Variants in PPM1L observed in about 807,000 individuals in gnomAD.
PPM1L encodes protein phosphatase 1L.
A neutral mutation model predicts 31.4 loss-of-function variants in PPM1L; 13 were observed. That is an observed-to-expected ratio of 0.41 (90% confidence interval 0.27 to 0.66). The LOEUF (loss-of-function observed/expected upper bound fraction) is 0.66. Ranked by LOEUF, PPM1L falls within the 30% of genes least tolerant of loss-of-function variation. The pLI is 0.29. For missense variants in PPM1L, 326 were observed against 453.7 expected (o/e 0.72, Z 2.56); for synonymous variants, 184 against 175.4 (o/e 1.05, Z -0.39).
intron 1 of PPM1L, among the ~76,000 whole-genome samples, chr3:160,805,457 C>T (rs1240371314): frequency 1.3e-5 from 2 of 152,180 alleles, no homozygotes; most frequent in African/African-American, 2.4e-5. Flanking sequence ...TGCAGTGGCT[C>T]ATGCCTGTAA....
chr3:160,963,934 G>C (rs7356039), intron 2 of PPM1L, among the ~76,000 whole-genome samples: 1 of 152,064 alleles, frequency 6.6e-6, no homozygotes, highest in East Asian at 1.9e-4. Context: ...CTAAGGTCTA[G>C]GCCTTCCACC....
intron 2 of PPM1L, among the ~76,000 whole-genome samples, chr3:161,057,743 T>G (rs2108103800): frequency 6.6e-6 from 1 of 152,182 alleles, no homozygotes; most frequent in East Asian, 1.9e-4. Flanking sequence ...TGCTTTCCCC[T>G]GAGCACGTGT....
intron 1 of PPM1L, among the ~76,000 whole-genome samples, chr3:160,941,895 T>C (rs1015935505): frequency 6.6e-6 from 1 of 152,256 alleles, no homozygotes; most frequent in African/African-American, 2.4e-5. Flanking sequence ...TTGATAAATG[T>C]TAAAAGAATG....
intron 1 of PPM1L, among the ~76,000 whole-genome samples, chr3:160,922,329 A>C (rs1414664947): frequency 6.6e-6 from 1 of 152,186 alleles, no homozygotes; most frequent in Non-Finnish European, 1.5e-5. Flanking sequence ...TATTACATAT[A>C]TTCCTGCTGA....
chr3:160,902,436 A>G (rs1576701466), intron 1 of PPM1L, among the ~76,000 whole-genome samples: 1 of 152,100 alleles, frequency 6.6e-6, no homozygotes, highest in African/African-American at 2.4e-5. Context: ...GAAAATTCAG[A>G]GTAAGGAACA....
At chr3:160,787,509 G>A (rs984622919) in intron 1 of PPM1L, among the ~76,000 whole-genome samples, 1 of 152,064 alleles carries the variant, frequency 6.6e-6, no homozygotes, top group African/African-American at 2.4e-5. Context: ...TTTATTGGAT[G>A]TGTAGTTTGC....
At chr3:160,980,121 A>AT (rs1377669928) in intron 2 of PPM1L, among the ~76,000 whole-genome samples, 2 of 152,064 alleles carry the variant, frequency 1.3e-5, no homozygotes, top group Non-Finnish European at 2.9e-5. Flanking sequence ...CATCGGTAGC[A>AT]TGCTGGTGGG....
intron 2 of PPM1L, among the ~76,000 whole-genome samples, chr3:161,017,173 G>A (rs1458258513): frequency 6.6e-6 from 1 of 152,078 alleles, no homozygotes; most frequent in Non-Finnish European, 1.5e-5. Context: ...AGAGTGGGGT[G>A]TGTCTCCAGT....
chr3:160,813,352 T>C (rs1274110450), intron 1 of PPM1L, among the ~76,000 whole-genome samples: 1 of 152,196 alleles, frequency 6.6e-6, no homozygotes, highest in African/African-American at 2.4e-5. Flanking sequence ...TTATTTTATT[T>C]TTTTTGAGAC....
intron 2 of PPM1L, among the ~76,000 whole-genome samples, chr3:161,044,411 G>A (rs192166683): frequency 6.6e-6 from 1 of 151,108 alleles, no homozygotes; most frequent in Admixed American, 6.6e-5. Flanking sequence ...AATGCAAGTT[G>A]AGCATTGAAA....
intron 1 of PPM1L, among the ~76,000 whole-genome samples, chr3:160,838,475 C>T (rs1421226181): frequency 2.6e-5 from 4 of 152,120 alleles, no homozygotes; most frequent in South Asian, 4.1e-4. Context: ...CTGTTATTGC[C>T]AAGTTATGTT....
intron 1 of PPM1L, among the ~76,000 whole-genome samples, chr3:160,944,332 TTAAG>T (rs1220237370): frequency 4.6e-5 from 7 of 152,040 alleles, no homozygotes; most frequent in African/African-American, 1.4e-4. Flanking sequence ...CTAAAGTTGC[TTAAG>T]TTAGTTTTTT....
intron 2 of PPM1L, among the ~76,000 whole-genome samples, chr3:161,049,190 A>C (rs1179225336): frequency 6.6e-6 from 1 of 151,880 alleles, no homozygotes; most frequent in African/African-American, 2.4e-5. Flanking sequence ...GGGTGGGAGG[A>C]TCACTTGAGG....
intron 2 of PPM1L, among the ~76,000 whole-genome samples, chr3:160,994,136 A>G (rs1717227673): frequency 6.6e-6 from 1 of 152,294 alleles, no homozygotes; most frequent in Middle Eastern, 3.4e-3. Context: ...ATGAATTATT[A>G]ATTCATCCAG....
intron 2 of PPM1L, among the ~76,000 whole-genome samples, chr3:160,995,817 G>C (rs112147284): frequency 6.6e-5 from 10 of 152,104 alleles, no homozygotes; most frequent in Non-Finnish European, 8.8e-5. Context: ...TTGATAAATC[G>C]ATCATGGGAA....
chr3:160,812,338 G>A (rs1435164301), intron 1 of PPM1L, among the ~76,000 whole-genome samples: 1 of 152,116 alleles, frequency 6.6e-6, no homozygotes, highest in African/African-American at 2.4e-5. Flanking sequence ...TGATTTCCAA[G>A]TAACTTTAGA....
At chr3:160,843,680 T>C (rs964585371) in intron 1 of PPM1L, among the ~76,000 whole-genome samples, 26 of 151,622 alleles carry the variant, frequency 1.7e-4, no homozygotes, top group Non-Finnish European at 3.2e-4. Flanking sequence ...AGTGTTCTCA[T>C]TGTTCAGTTC....
intron 1 of PPM1L, among the ~76,000 whole-genome samples, chr3:160,862,189 C>A (rs564634396): frequency 6.6e-6 from 1 of 152,108 alleles, no homozygotes; most frequent in African/African-American, 2.4e-5. Flanking sequence ...CACTCACTCC[C>A]AAAATTACTT....
At chr3:160,890,789 A>G (rs1322484031) in intron 1 of PPM1L, among the ~76,000 whole-genome samples, 1 of 152,164 alleles carries the variant, frequency 6.6e-6, no homozygotes, top group East Asian at 1.9e-4. Context: ...ATATAGACCT[A>G]TGGTACAGAG....
Sources: allele counts gnomAD v4.1 joint callset (sites outside exome capture counted in the v4.1 genomes callset), GRCh38; gene constraint gnomAD v4.1.1; transcripts MANE v1.5; gene names NCBI Gene and HGNC (gene_info 2026-07-23, HGNC 2026-07-21).